The following NUP210L variants were observed in gnomAD, a reference collection of about 807,000 sequenced individuals.
The protein encoded by NUP210L is nucleoporin 210 like.
A neutral mutation model predicts 208.5 loss-of-function variants in NUP210L; 74 were observed. The observed-to-expected ratio is 0.35, with a 90% CI of 0.29 to 0.43. The LOEUF is 0.43. NUP210L is among the 20% of genes least tolerant of loss of function. NUP210L has a pLI of 1.00. For synonymous variants in NUP210L, 780 were observed against 816.9 expected (o/e 0.95, Z 0.77); for missense variants, 1,843 against 2,289.4 (o/e 0.81, Z 3.98).
At chr1:154,073,914 G>A (rs1409135277) in intron 16 of NUP210L, among the ~76,000 whole-genome samples, 1 of 152,062 alleles carries the variant, frequency 6.6e-6, no homozygotes, top group South Asian at 2.1e-4. Context: ...AGCATCTCTT[G>A]ACAACTCTGA....
chr1:154,142,567 C>A (rs965426497), intron 3 of NUP210L, among the ~76,000 whole-genome samples: 2 of 152,118 alleles, frequency 1.3e-5, no homozygotes, highest in Non-Finnish European at 2.9e-5. Context: ...GGCCCATCAA[C>A]AGAAGCTCAG....
chr1:154,058,835 C>G (rs1654002204), intron 20 of NUP210L, 142 bp from the exon 21 acceptor site: 2 of 721,862 alleles, frequency 2.8e-6, no homozygotes, highest in Admixed American at 2.9e-5. Context: ...TAACATTATT[C>G]AGGCATAGCA....
intron 16 of NUP210L, among the ~76,000 whole-genome samples, chr1:154,072,949 C>T (rs1487320494): frequency 2.0e-5 from 3 of 152,140 alleles, no homozygotes; most frequent in Admixed American, 6.6e-5. Context: ...AGAGCTTTTG[C>T]GCAGCAAAAG....
At chr1:154,010,465 C>T (rs1361389334) in intron 34 of NUP210L, among the ~76,000 whole-genome samples, 4 of 152,100 alleles carry the variant, frequency 2.6e-5, no homozygotes, top group Non-Finnish European at 4.4e-5. Flanking sequence ...CTTCCATCTC[C>T]CGGTTCAGGC....
At chr1:154,085,966 C>A (rs1655602627) in intron 16 of NUP210L, among the ~76,000 whole-genome samples, 1 of 152,038 alleles carries the variant, frequency 6.6e-6, no homozygotes. Flanking sequence ...AATCCCAGCA[C>A]TTTGGGAGGC....
intron 5 of NUP210L, 71 bp downstream of exon 5, chr1:154,139,731 C>A: frequency 8.6e-7 from 1 of 1,157,708 alleles, no homozygotes; most frequent in South Asian, 1.5e-5. Context: ...TCTTGTAGTA[C>A]CTGGGCAACA....
Position 154,054,434 on chromosome 1 carries a change from C to A in NUP210L, c.3304-27G>T, listed in dbSNP as rs371477510. 3 of 1,607,242 alleles carry A rather than the reference C, an allele frequency of 1.9e-6. No homozygotes were observed. The South Asian group carries it at 3.3e-5, about 18-fold the overall frequency. ...TGGAATTTAAATATACCATTGAATG[C>A]CTAGAACATGAGGGAGAAATCATGT... On this transcript the variant is annotated intron_variant, in intron 24 of 39. Coordinates refer to ENST00000368559, the Ensembl canonical transcript of NUP210L.
chr1:154,092,374 C>T (rs1272159247), intron 15 of NUP210L, among the ~76,000 whole-genome samples: 4 of 147,692 alleles, frequency 2.7e-5, no homozygotes, highest in Non-Finnish European at 4.5e-5. Context: ...CCACCGCGCC[C>T]GGCCTTTTTT....
intron 32 of NUP210L, among the ~76,000 whole-genome samples, chr1:154,020,004 GA>G (rs1464386993): frequency 6.6e-6 from 1 of 152,178 alleles, no homozygotes; most frequent in Non-Finnish European, 1.5e-5. Flanking sequence ...ATAATCAGGG[GA>G]TTGTAACTCT....
At chr1:153,993,812 C>T (rs1046323903) in intron 38 of NUP210L, among the ~76,000 whole-genome samples, 14 of 152,036 alleles carry the variant, frequency 9.2e-5, no homozygotes, top group African/African-American at 2.9e-4. Flanking sequence ...GCAGGAGAAT[C>T]GCTTGAAACT....
chr1:154,119,099 A>C (rs114845387), intron 10 of NUP210L, among the ~76,000 whole-genome samples: 2,254 of 152,272 alleles, frequency 0.015, 59 homozygotes, highest in African/African-American at 0.051. Context: ...TTTTTTAAAA[A>C]ATCAACATAG....
At chr1:154,142,470 C>T (rs116286844) in intron 3 of NUP210L, among the ~76,000 whole-genome samples, 2,066 of 152,192 alleles carry the variant, frequency 0.014, 48 homozygotes, top group African/African-American at 0.046. Context: ...TACAGATTTA[C>T]ATTTAATTCT....
rs1650181180 is a variant in NUP210L at position 154,001,072 on chromosome 1, G to C, written c.5182-12C>G. 1 of 1,607,556 alleles carries C rather than the reference G, an allele frequency of 6.2e-7. No individual in the cohort carries two copies. Among genetic ancestry groups the C allele is most frequent in the Non-Finnish European group, 8.5e-7 (1 of 1,176,424 alleles). ...GAGCTGGAGATGACCTTGGAGAAAA[G>C]ATAAAACCTTTTATTTAAAAGAAGA... On this transcript the variant is annotated splice_polypyrimidine_tract_variant and intron_variant, in intron 36 of 39. Transcript: ENST00000368559.
intron 10 of NUP210L, among the ~76,000 whole-genome samples, chr1:154,123,289 G>A (rs2148109494): frequency 6.6e-6 from 1 of 152,134 alleles, no homozygotes; most frequent in African/African-American, 2.4e-5. Flanking sequence ...GGGATTATAG[G>A]CACGCGCCAC....
At chr1:154,144,429 T>C (rs1659020480) in intron 2 of NUP210L, among the ~76,000 whole-genome samples, 1 of 152,170 alleles carries the variant, frequency 6.6e-6, no homozygotes, top group Non-Finnish European at 1.5e-5. Flanking sequence ...AGTTATTTTT[T>C]CTTGTGGGCC....
chr1:154,154,048 C>T (rs1659555972), intron 1 of NUP210L, among the ~76,000 whole-genome samples: 1 of 152,218 alleles, frequency 6.6e-6, no homozygotes, highest in Non-Finnish European at 1.5e-5. Context: ...GGTCCTCTCA[C>T]ACCAGAAAAT....
intron 32 of NUP210L, among the ~76,000 whole-genome samples, chr1:154,019,336 G>A (rs1651430803): frequency 6.6e-6 from 1 of 152,166 alleles, no homozygotes; most frequent in Admixed American, 6.6e-5. Context: ...TACATACAGG[G>A]ATAACTTTCT....
At chr1:154,086,814 C>G (rs1267185955) in intron 16 of NUP210L, among the ~76,000 whole-genome samples, 1 of 148,660 alleles carries the variant, frequency 6.7e-6, no homozygotes, top group East Asian at 2.0e-4. Context: ...GACCCTGTGT[C>G]TTAAAAAAAA....
exon 40 of NUP210L, chr1:153,992,895 A>G: frequency 3.1e-6 from 5 of 1,613,524 alleles, no homozygotes; most frequent in Non-Finnish European, 4.2e-6. Flanking sequence ...GAGGTTGTAG[A>G]CTCATGAAGT....
Sources: allele counts gnomAD v4.1 joint callset (sites outside exome capture counted in the v4.1 genomes callset), GRCh38; gene constraint gnomAD v4.1.1; transcripts MANE v1.5; gene names NCBI Gene and HGNC (gene_info 2026-07-23, HGNC 2026-07-21).